Variants in SEC24A observed in about 807,000 individuals in gnomAD.
The protein encoded by SEC24A is SEC24 homolog A, COPII component.
SEC24A carries 93 observed loss-of-function variants against 129.4 expected under a neutral mutation model. The observed-to-expected ratio is 0.72, with a 90% CI of 0.61 to 0.85. SEC24A has a LOEUF of 0.85. Among genes scored for constraint, SEC24A ranks in the 40% least tolerant of loss-of-function variants. The pLI is 0.00. For synonymous variants in SEC24A, 460 were observed against 467.3 expected, an observed-to-expected ratio of 0.98 and a Z score of 0.20; for missense variants, 1,264 against 1,307.4, an observed-to-expected ratio of 0.97 and a Z score of 0.51.
intron 15 of SEC24A, among the ~76,000 whole-genome samples, chr5:134,699,846 G>T (rs1251845999): frequency 6.6e-6 from 1 of 151,850 alleles, no homozygotes; most frequent in African/African-American, 2.4e-5. Flanking sequence ...GATTACAGGT[G>T]CCTGACACTA....
At chr5:134,703,086 T>C (rs1335035938) in intron 15 of SEC24A, among the ~76,000 whole-genome samples, 1 of 152,032 alleles carries the variant, frequency 6.6e-6, no homozygotes, top group Non-Finnish European at 1.5e-5. Flanking sequence ...CTGATACCCA[T>C]TGAAGGTATT....
intron 8 of SEC24A, among the ~76,000 whole-genome samples, chr5:134,681,157 G>A (rs1371583955): frequency 2.0e-5 from 3 of 151,538 alleles, no homozygotes; most frequent in East Asian, 3.9e-4. Context: ...CAACACTTTG[G>A]GAGGCTGAGG....
upstream of SEC24A, chr5:134,648,476 A>C (rs1580667103): frequency 6.6e-6 from 1 of 152,410 alleles, no homozygotes; most frequent in South Asian, 2.0e-4. Context: ...TGTCAGTCCC[A>C]CCCCACGAAA....
intron 20 of SEC24A, among the ~76,000 whole-genome samples, chr5:134,720,051 AT>A (rs971477892): frequency 1.3e-5 from 2 of 152,180 alleles, no homozygotes; most frequent in East Asian, 1.9e-4. Context: ...GAAGAAAGAA[AT>A]TTTTTTATAT....
At chr5:134,685,037 A>T (rs1751401642) in intron 9 of SEC24A, among the ~76,000 whole-genome samples, 1 of 152,174 alleles carries the variant, frequency 6.6e-6, no homozygotes, top group Admixed American at 6.6e-5. Context: ...CCGTGGATTC[A>T]ACTACCCATG....
At chr5:134,707,014 T>A (rs933641970) in intron 17 of SEC24A, among the ~76,000 whole-genome samples, 1 of 151,730 alleles carries the variant, frequency 6.6e-6, no homozygotes, top group Admixed American at 6.6e-5. Flanking sequence ...TTAAAAAAAA[T>A]TTTTTTAGAG....
chr5:134,700,365 G>A (rs1177646520), intron 15 of SEC24A, among the ~76,000 whole-genome samples: 2 of 151,724 alleles, frequency 1.3e-5, no homozygotes, highest in Admixed American at 6.6e-5. Flanking sequence ...GACCACAGGC[G>A]CATGCCACCA....
At chr5:134,693,498 A>G in intron 12 of SEC24A, 2 of 1,411,680 alleles carry the variant, frequency 1.4e-6, no homozygotes. Context: ...TTGCTGGACT[A>G]CTGCATGTGC....
At chr5:134,672,261 C>T (rs900870934) in intron 4 of SEC24A, among the ~76,000 whole-genome samples, 2 of 152,108 alleles carry the variant, frequency 1.3e-5, no homozygotes, top group African/African-American at 4.8e-5. Flanking sequence ...TATCTCGGTT[C>T]ACTGCAGCCT....
chr5:134,703,818 T>C lies in SEC24A; in HGVS notation c.2326T>C (p.Leu776=). The change falls in exon 16 of 23, where the codon TTG becomes CTG. Residue 776 remains leucine, a synonymous_variant. Coordinates refer to ENST00000398844, the MANE Select transcript of SEC24A (RefSeq NM_021982.3). ...TGTTAGGTCAACCGACTTACTGTCT[T>C]TGCCTAACGTCAACCCAGACGCTGG... ...FFVRSTDLLS[L]PNVNPDAGYA... is the part of the protein sequence containing the mutation. 6.2e-7 allele frequency: 1 copy of C among 1,613,498 alleles called. No individual in the cohort carries two copies. The highest frequency in any genetic ancestry group is 8.5e-7 in the Non-Finnish European group (1 of 1,179,426).
chr5:134,664,631 C>T (rs1750589285), intron 2 of SEC24A, among the ~76,000 whole-genome samples: 1 of 151,980 alleles, frequency 6.6e-6, no homozygotes, highest in African/African-American at 2.4e-5. Context: ...TGTACCTTGC[C>T]CCTTTGTTCC....
At chr5:134,664,826 C>G (rs1019760277) in intron 2 of SEC24A, among the ~76,000 whole-genome samples, 1 of 109,342 alleles carries the variant, frequency 9.1e-6, no homozygotes, top group African/African-American at 3.5e-5. Flanking sequence ...TGAGACGGAG[C>G]CTTACTCTGT....
intron 21 of SEC24A, among the ~76,000 whole-genome samples, chr5:134,722,424 G>A (rs987386190): frequency 6.6e-6 from 1 of 152,040 alleles, no homozygotes; most frequent in Non-Finnish European, 1.5e-5. Context: ...AATTAGCCGG[G>A]TGTGGTGGCG....
At chr5:134,708,595 G>A in intron 17 of SEC24A, 118 bp from the exon 18 acceptor site, 1 of 876,636 alleles carries the variant, frequency 1.1e-6, no homozygotes, top group East Asian at 2.6e-5. Context: ...ATTTGTGTAT[G>A]TAGTAAATTG....
chr5:134,697,849 A>G (rs781164385), intron 14 of SEC24A, 50 bp from the exon 15 acceptor site: 39 of 1,538,812 alleles, frequency 2.5e-5, no homozygotes, highest in Non-Finnish European at 4.4e-6. Flanking sequence ...ACTTTGGTGT[A>G]GTAGAAATAG....
Position 134,661,224 on chromosome 5 carries a change from A to G in SEC24A, c.203A>G (p.Asn68Ser), listed in dbSNP as rs368153926. ...CATCCAATACCAGCAAAGACTTTGA[A>G]TCCAGTCTCTGGACAGTCTAACTAT... ...YPHPIPAKTL[N>S]PVSGQSNYGG... Residue 68 changes from asparagine to serine, a missense_variant, in exon 2 of 23, where the codon AAT (asparagine) becomes AGT (serine). Asn to Ser is a conservative substitution (Grantham distance 46). Coordinates refer to ENST00000398844, the MANE Select transcript of SEC24A (RefSeq NM_021982.3). 5 of 1,614,152 alleles carry G rather than the reference A, an allele frequency of 3.1e-6. No individual in the cohort carries two copies. Among genetic ancestry groups the G allele is most frequent in the Non-Finnish European group, 4.2e-6 (5 of 1,180,024 alleles).
rs1181721873 is a variant in SEC24A, at chr5:134,674,525, AC to A, written c.818-87del. 16 of 1,202,206 alleles carry A rather than the reference AC, an allele frequency of 1.3e-5. No homozygotes were observed. In the East Asian group the frequency reaches 3.6e-4, roughly 27 times the overall value. 74.5% of individuals were successfully genotyped at this position (1,202,206 alleles called of 1,614,324 possible). On this transcript the variant is annotated intron_variant, in intron 4 of 22. Transcript: ENST00000398844. Reference sequence around the variant, plus strand: ...GCACTGCAGCCTGGGCAATAGTGAGACCCTTTCTCCAAAAAAAATGTTTTTT... The same window carrying A: ...GCACTGCAGCCTGGGCAATAGTGAGACCTTTCTCCAAAAAAAATGTTTTTT...
At chr5:134,704,035 T>C (rs927073394) in intron 16 of SEC24A, 103 bp downstream of exon 16, 6 of 572,176 alleles carry the variant, frequency 1.0e-5, no homozygotes, top group African/African-American at 9.6e-5. Flanking sequence ...TTATGTGTGC[T>C]AACTTAAAAT....
chr5:134,704,441 A>C (rs1752093573), intron 16 of SEC24A, among the ~76,000 whole-genome samples: 1 of 152,140 alleles, frequency 6.6e-6, no homozygotes, highest in Non-Finnish European at 1.5e-5. Context: ...AATTTAGCAT[A>C]TTGTCATTTG....
Sources: gnomAD v4.1 joint callset for allele counts (sites outside exome capture counted in the v4.1 genomes callset) on GRCh38, gnomAD v4.1.1 for gene constraint, MANE v1.5 for transcripts, NCBI Gene and HGNC (gene_info 2026-07-23, HGNC 2026-07-21) for gene names.